Variants in SH3BP5 observed in about 807,000 individuals in gnomAD.
SH3BP5 encodes SH3 domain binding protein 5.
SH3BP5 carries 22 observed loss-of-function variants against 43.3 expected under a neutral mutation model. The observed-to-expected ratio is 0.51, with a 90% CI of 0.36 to 0.73. The LOEUF (loss-of-function observed/expected upper bound fraction) is 0.73. SH3BP5 is among the 30% of genes least tolerant of loss of function. The pLI, the probability that SH3BP5 is intolerant of heterozygous loss-of-function variation, is 0.00. For missense variants in SH3BP5, 529 were observed against 586.9 expected (o/e 0.90, Z 1.02); for synonymous variants, 255 against 225.8 (o/e 1.13, Z -1.16).
intron 2 of SH3BP5, among the ~76,000 whole-genome samples, chr3:15,307,086 A>G (rs1157370978): frequency 3.3e-5 from 5 of 152,136 alleles, no homozygotes; most frequent in African/African-American, 1.2e-4. Context: ...TGGGTTTGAA[A>G]ACGCCGCCGG....
upstream of SH3BP5, among the ~76,000 whole-genome samples, chr3:15,335,571 C>CA (rs34622084): frequency 2.6e-3 from 389 of 147,388 alleles, 7 homozygotes; most frequent in East Asian, 0.034. Context: ...GACCCTATCT[C>CA]AAAAAAAAAA....
Position 15,259,063 on chromosome 3 carries a change from A to C in SH3BP5, c.670-13T>G. On this transcript the variant is annotated splice_polypyrimidine_tract_variant and intron_variant, in intron 6 of 8. Coordinates refer to ENST00000383791, the MANE Select transcript of SH3BP5 (RefSeq NM_004844.5). Reference sequence around the variant, plus strand: ...TCTTTTTCAGTTGCTGATCAAGAGAACAGGAGACTAAGTGAAGACTACCCT... The same window carrying C: ...TCTTTTTCAGTTGCTGATCAAGAGACCAGGAGACTAAGTGAAGACTACCCT... The C allele has an allele frequency of 6.2e-7, 1 of 1,607,334 alleles. No individual in the cohort carries two copies. Among genetic ancestry groups the C allele is most frequent in the Non-Finnish European group, 8.5e-7 (1 of 1,173,786 alleles).
intron 2 of SH3BP5, among the ~76,000 whole-genome samples, chr3:15,324,784 TC>T (rs1202023129): frequency 6.6e-6 from 1 of 151,574 alleles, no homozygotes; most frequent in Non-Finnish European, 1.5e-5. Context: ...CCGGGCAGCT[TC>T]CAGTTTACTC....
chr3:15,279,003 C>A (rs1697047080), intron 3 of SH3BP5, among the ~76,000 whole-genome samples: 1 of 152,090 alleles, frequency 6.6e-6, no homozygotes, highest in Non-Finnish European at 1.5e-5. Flanking sequence ...AACCCCATCT[C>A]TAATAAAAAT....
intron 4 of SH3BP5, among the ~76,000 whole-genome samples, chr3:15,266,522 A>T (rs1044010223): frequency 1.3e-5 from 2 of 152,198 alleles, no homozygotes; most frequent in African/African-American, 4.8e-5. Flanking sequence ...CCTCTCTCAG[A>T]GGATGAAAAG....
chr3:15,259,189 C>A (rs1696337222), intron 6 of SH3BP5, 139 bp from the exon 7 acceptor site: 1 of 672,882 alleles, frequency 1.5e-6, no homozygotes, highest in Admixed American at 2.5e-5. Context: ...GACCTAATTA[C>A]CATTGTAACT....
At position 15,302,853 on chromosome 3, in the gene SH3BP5, G is replaced by C. The variant is rs548898351; in HGVS notation, c.330+1250C>G. On this transcript the variant is annotated intron_variant, in intron 3 of 8. Transcript: ENST00000383791. ...AGACACATTTGTGCTCTGTCGCCCA[G>C]GCTGGAGTGCAGTGGCACGATCTCG... 2.0e-5 allele frequency among the ~76,000 whole-genome samples: 3 copies of C among 151,076 alleles called. No homozygotes were observed. The South Asian group carries it at 6.3e-4, about 32-fold the overall frequency.
intron 3 of SH3BP5, among the ~76,000 whole-genome samples, chr3:15,272,792 A>AAG: frequency 6.6e-6 from 1 of 152,222 alleles, no homozygotes; most frequent in Non-Finnish European, 1.5e-5. Flanking sequence ...TGCCAGGCTA[A>AAG]ACCTTCAACC....
At chr3:15,296,375 T>G (rs1697573336) in intron 3 of SH3BP5, among the ~76,000 whole-genome samples, 1 of 142,504 alleles carries the variant, frequency 7.0e-6, no homozygotes, top group Non-Finnish European at 1.5e-5. Flanking sequence ...CACACCCCTA[T>G]CCAGGTCAGT....
intron 2 of SH3BP5, among the ~76,000 whole-genome samples, chr3:15,322,030 C>A (rs1698340434): frequency 6.6e-6 from 1 of 152,010 alleles, no homozygotes; most frequent in African/African-American, 2.4e-5. Context: ...CATAGTGAAA[C>A]CCCGTCTCTA....
At chr3:15,323,135 T>TAAATAAATAAAA (rs1698375673) in intron 2 of SH3BP5, among the ~76,000 whole-genome samples, 1 of 149,588 alleles carries the variant, frequency 6.7e-6, no homozygotes, top group Non-Finnish European at 1.5e-5. Context: ...CTCAAATAAA[T>TAAATAAATAAAA]AAATAAATAA....
intron 3 of SH3BP5, among the ~76,000 whole-genome samples, chr3:15,299,520 G>C (rs1017570937): frequency 7.5e-6 from 1 of 132,732 alleles, no homozygotes; most frequent in African/African-American, 2.9e-5. Context: ...TTGAGTCAGG[G>C]TCTTGCTCTG....
intron 2 of SH3BP5, among the ~76,000 whole-genome samples, chr3:15,308,551 G>A (rs1697971689): frequency 6.6e-6 from 1 of 152,164 alleles, no homozygotes; most frequent in Admixed American, 6.5e-5. Context: ...ACCAGACAGA[G>A]AAGGGGGACA....
chr3:15,338,802 A>T (rs1391571392), intron 1 of SH3BP5, among the ~76,000 whole-genome samples: 1 of 152,004 alleles, frequency 6.6e-6, no homozygotes, highest in Non-Finnish European at 1.5e-5. Context: ...AAGAGTGTGG[A>T]GAAGATGTGA....
At position 15,294,321 on chromosome 3, in the gene SH3BP5, G is replaced by GTA. The variant is rs1293109325; in HGVS notation, c.330+9781_330+9782insTA. Reference sequence around the variant, plus strand: ...TGTGTGTGTGTGTGTGTGTGTGTGTGTGTGTGTGTGCGCGCGCATGTTTAC... The same window carrying GTA: ...TGTGTGTGTGTGTGTGTGTGTGTGTGTATGTGTGTGTGCGCGCGCATGTTTAC... On this transcript the variant is annotated intron_variant, in intron 3 of 8. Transcript: ENST00000383791. Among the ~76,000 whole-genome samples, 667 of 122,000 alleles carry GTA rather than the reference G, an allele frequency of 5.5e-3. 3 individuals carry two copies. The highest frequency in any genetic ancestry group is 0.014 in the African/African-American group (363 of 25,222). 80.0% of individuals were successfully genotyped at this position (122,000 alleles called of 152,430 possible).
chr3:15,296,791 T>C lies in SH3BP5; in HGVS notation c.330+7312A>G, dbSNP rs1442017208. Among the ~76,000 whole-genome samples the C allele has an allele frequency of 1.2e-4, 16 of 138,602 alleles. No homozygotes were observed. In the Admixed American group the frequency reaches 1.2e-3, roughly 11 times the overall value. 90.9% of individuals were successfully genotyped at this position (138,602 alleles called of 152,430 possible). A position where few individuals can be genotyped will look rare whatever the true frequency, so the allele number is the denominator to read the frequency against. ...TCCACGCAGCCTTGACTTCTCAGGC[T>C]CACGCAATCCTTCTACCTCAGCCTC... On this transcript the variant is annotated intron_variant, in intron 3 of 8. Transcript: ENST00000383791.
chr3:15,304,553 G>A (rs1037547736), intron 2 of SH3BP5, among the ~76,000 whole-genome samples: 2 of 152,150 alleles, frequency 1.3e-5, no homozygotes, highest in East Asian at 1.9e-4. Flanking sequence ...GGTAGCTCAC[G>A]CCTGTAATCC....
chr3:15,313,023 C>A (rs1436002111), intron 2 of SH3BP5, among the ~76,000 whole-genome samples: 1 of 152,166 alleles, frequency 6.6e-6, no homozygotes, highest in Non-Finnish European at 1.5e-5. Context: ...GCGGGTGGAT[C>A]ACCTGAGGTC....
intron 2 of SH3BP5, among the ~76,000 whole-genome samples, chr3:15,306,797 T>C (rs1697922365): frequency 6.6e-6 from 1 of 152,112 alleles, no homozygotes; most frequent in Non-Finnish European, 1.5e-5. Flanking sequence ...GCCTCCCAAG[T>C]AGCAGGAACT....
Sources: gnomAD v4.1 joint callset for allele counts (sites outside exome capture counted in the v4.1 genomes callset) on GRCh38, gnomAD v4.1.1 for gene constraint, MANE v1.5 for transcripts, NCBI Gene and HGNC (gene_info 2026-07-23, HGNC 2026-07-21) for gene names.